Variants in APPBP2 observed in about 807,000 individuals in gnomAD.
APPBP2 encodes the protein amyloid protein-binding protein 2.
A neutral mutation model predicts 76.0 loss-of-function variants in APPBP2; 15 were observed. The ratio of observed to expected loss-of-function variants is 0.20; its 90% CI spans 0.13 to 0.30. APPBP2 has a LOEUF of 0.30. Ranked by LOEUF, APPBP2 falls within the 10% of genes least tolerant of loss-of-function variation. APPBP2 has a pLI of 1.00. For missense variants in APPBP2, 401 were observed against 687.2 expected, an observed-to-expected ratio of 0.58 and a Z score of 4.66; for synonymous variants, 222 against 242.2, an observed-to-expected ratio of 0.92 and a Z score of 0.77.
At chr17:60,486,672 T>TG (rs752519648) in intron 3 of APPBP2, among the ~76,000 whole-genome samples, 2 of 152,222 alleles carry the variant, frequency 1.3e-5, no homozygotes, top group African/African-American at 2.4e-5. Flanking sequence ...GTCTTTTAAT[T>TG]GGGGCATTTA....
At chr17:60,507,816 G>T (rs1445452085) in intron 1 of APPBP2, among the ~76,000 whole-genome samples, 1 of 151,976 alleles carries the variant, frequency 6.6e-6, no homozygotes, top group Non-Finnish European at 1.5e-5. Context: ...TTGAATCAGG[G>T]TCTCACTGTC....
intron 11 of APPBP2, among the ~76,000 whole-genome samples, chr17:60,452,883 A>G (rs529936459): frequency 6.6e-6 from 1 of 152,310 alleles, no homozygotes; most frequent in East Asian, 1.9e-4. Context: ...GTAGTGAGCC[A>G]TGATCACACC....
chr17:60,478,450 A>G (rs1216052603), intron 4 of APPBP2, among the ~76,000 whole-genome samples: 2 of 152,224 alleles, frequency 1.3e-5, no homozygotes, highest in Non-Finnish European at 2.9e-5. Flanking sequence ...CTTGTTATGC[A>G]CAATTATGGA....
rs574009868 is a variant in APPBP2 at position 60,522,903 on chromosome 17, C to T, written c.138+2891G>A. ...AAAAGAAAAAACATTTCATATTTTACCCTTTCTATGCTCTCCCTTCCCTGC... is the reference window on the plus strand; with the variant it reads ...AAAAGAAAAAACATTTCATATTTTATCCTTTCTATGCTCTCCCTTCCCTGC... On this transcript the variant is annotated intron_variant, in intron 1 of 12. Coordinates refer to ENST00000083182, the MANE Select transcript of APPBP2 (RefSeq NM_006380.5). 1.4e-3 allele frequency among the ~76,000 whole-genome samples: 206 copies of T among 151,942 alleles called. 1 individual carries two copies. Among genetic ancestry groups the T allele is most frequent in the African/African-American group, 4.9e-3 (203 of 41,384 alleles).
At chr17:60,510,047 C>T (rs1275559289) in intron 1 of APPBP2, among the ~76,000 whole-genome samples, 1 of 150,456 alleles carries the variant, frequency 6.6e-6, no homozygotes, top group East Asian at 1.9e-4. Flanking sequence ...GAATATGTTT[C>T]ATTTAACAAA....
chr17:60,512,108 A>ATTTT (rs201848782), intron 1 of APPBP2, among the ~76,000 whole-genome samples: 1 of 146,326 alleles, frequency 6.8e-6, no homozygotes, highest in African/African-American at 2.7e-5. Context: ...TATTATTATT[A>ATTTT]TTTTCTTTTT....
intron 1 of APPBP2, among the ~76,000 whole-genome samples, chr17:60,520,032 C>CA (rs1316676876): frequency 1.3e-5 from 2 of 151,934 alleles, no homozygotes; most frequent in African/African-American, 4.8e-5. Context: ...AAAATCCTCC[C>CA]ACCATGGCCC....
At chr17:60,467,142 G>A (rs530643887) in intron 4 of APPBP2, among the ~76,000 whole-genome samples, 8 of 149,768 alleles carry the variant, frequency 5.3e-5, no homozygotes, top group Admixed American at 2.6e-4. Flanking sequence ...TGTTAGGACT[G>A]GACAAATATT....
intron 4 of APPBP2, chr17:60,468,468 T>C (rs1235164363): frequency 1.3e-5 from 2 of 152,240 alleles, no homozygotes; most frequent in Non-Finnish European, 2.9e-5. Flanking sequence ...AAGAATTTCC[T>C]TTCCAAAGAC....
At chr17:60,483,272 GTTGTTTGATTTTTTCT>G (rs1567929262) in intron 3 of APPBP2, among the ~76,000 whole-genome samples, 6 of 152,106 alleles carry the variant, frequency 3.9e-5, no homozygotes, top group Admixed American at 1.3e-4. Context: ...TTTTGATGGG[GTTGTTTGATTTTTTCT>G]TGTAAATTCG....
chr17:60,467,009 A>G (rs2090516322), intron 4 of APPBP2, among the ~76,000 whole-genome samples: 2 of 152,068 alleles, frequency 1.3e-5, no homozygotes, highest in Admixed American at 1.3e-4. Context: ...CTTTAAACAA[A>G]TTAACTGTAC....
intron 1 of APPBP2, among the ~76,000 whole-genome samples, chr17:60,517,935 G>A (rs911635474): frequency 3.3e-5 from 5 of 152,060 alleles, no homozygotes; most frequent in African/African-American, 9.7e-5. Flanking sequence ...TGGTTTTTGG[G>A]ACATGAATTA....
intron 4 of APPBP2, among the ~76,000 whole-genome samples, chr17:60,475,637 T>TCAACTC (rs951801306): frequency 6.1e-5 from 8 of 130,678 alleles, no homozygotes. Context: ...CAATCCACAT[T>TCAACTC]CAACTCTTTA....
At chr17:60,514,252 C>A (rs1266147542) in intron 1 of APPBP2, among the ~76,000 whole-genome samples, 1 of 152,054 alleles carries the variant, frequency 6.6e-6, no homozygotes, top group Non-Finnish European at 1.5e-5. Flanking sequence ...GGTGATTGCA[C>A]CACTGCATTC....
intron 6 of APPBP2, 50 bp from the exon 7 acceptor site, chr17:60,462,111 C>T (rs764784430): frequency 7.3e-7 from 1 of 1,371,622 alleles, no homozygotes; most frequent in African/African-American, 1.4e-5. Flanking sequence ...CATTAGTGTG[C>T]TAAAATACGT....
chr17:60,456,770 C>G (rs1189009859), intron 9 of APPBP2, among the ~76,000 whole-genome samples: 1 of 152,116 alleles, frequency 6.6e-6, no homozygotes, highest in Non-Finnish European at 1.5e-5. Context: ...TTCTATAATG[C>G]TCTTCCCCTG....
At chr17:60,515,563 A>T (rs922545752) in intron 1 of APPBP2, among the ~76,000 whole-genome samples, 1 of 152,220 alleles carries the variant, frequency 6.6e-6, no homozygotes, top group African/African-American at 2.4e-5. Flanking sequence ...GGCTCCCCTC[A>T]TATCTGTCCC....
intron 4 of APPBP2, among the ~76,000 whole-genome samples, chr17:60,466,711 AC>A: frequency 6.6e-6 from 1 of 152,308 alleles, no homozygotes; most frequent in South Asian, 2.1e-4. Flanking sequence ...TATTTTATGT[AC>A]TCAGCATGTA....
intron 1 of APPBP2, among the ~76,000 whole-genome samples, chr17:60,504,393 G>A (rs1054831825): frequency 6.6e-6 from 1 of 151,928 alleles, no homozygotes; most frequent in Non-Finnish European, 1.5e-5. Flanking sequence ...AAATATCAAC[G>A]TATGACAAAA....
Sources: allele counts gnomAD v4.1 joint callset (sites outside exome capture counted in the v4.1 genomes callset), GRCh38; gene constraint gnomAD v4.1.1; transcripts MANE v1.5; gene names NCBI Gene and HGNC (gene_info 2026-07-23, HGNC 2026-07-21).